The following TTC17 variants were observed in gnomAD, a reference collection of about 807,000 sequenced individuals.
TTC17 encodes tetratricopeptide repeat domain 17.
In TTC17, 58 loss-of-function variants were observed where a neutral mutation model predicts 143.8. The ratio of observed to expected loss-of-function variants is 0.40; its 90% CI spans 0.33 to 0.50. TTC17 has a LOEUF of 0.50. Ranked by LOEUF, TTC17 falls within the 20% of genes least tolerant of loss-of-function variation. TTC17 has a pLI of 0.49. For synonymous variants in TTC17, 501 were observed against 497.8 expected (o/e 1.01, Z -0.09); for missense variants, 1,273 against 1,392.5 (o/e 0.91, Z 1.37).
intron 18 of TTC17, chr11:43,446,118 C>T (rs1374199460): frequency 2.8e-6 from 4 of 1,425,718 alleles, no homozygotes; most frequent in African/African-American, 2.9e-5. Flanking sequence ...CTTTACAGCC[C>T]GCCTCTGTGT....
At chr11:43,445,494 T>G (rs2134737357) in intron 18 of TTC17, among the ~76,000 whole-genome samples, 1 of 152,316 alleles carries the variant, frequency 6.6e-6, no homozygotes, top group South Asian at 2.1e-4. Context: ...CTAAATATTT[T>G]ACAATAAGCC....
intron 21 of TTC17, among the ~76,000 whole-genome samples, chr11:43,486,170 T>C (rs1420254317): frequency 6.6e-6 from 1 of 152,204 alleles, no homozygotes; most frequent in African/African-American, 2.4e-5. Context: ...CCCCCTTATT[T>C]GCAGCTTCAT....
Position 43,378,719 on chromosome 11 carries a change from G to T in TTC17, c.160-514G>T, listed in dbSNP as rs183544338. On this transcript the variant is annotated intron_variant, in intron 1 of 23. Coordinates refer to ENST00000039989, the MANE Select transcript of TTC17 (RefSeq NM_018259.6). ...TTTTTTCTACAGCTTCAACATAATT[G>T]TTTGATTTGTTGATCCAGAGAACAT... Among the ~76,000 whole-genome samples, 274 of 152,264 alleles carry T rather than the reference G, an allele frequency of 1.8e-3. 2 individuals are homozygous for T. The highest frequency in any genetic ancestry group is 0.014 in the Middle Eastern group (4 of 294).
intron 21 of TTC17, among the ~76,000 whole-genome samples, chr11:43,451,936 C>T (rs1452977265): frequency 3.9e-5 from 6 of 152,120 alleles, no homozygotes; most frequent in Non-Finnish European, 8.8e-5. Flanking sequence ...TTCCGAGTAT[C>T]GCACATGGAA....
At chr11:43,374,550 G>C (rs1233747982) in intron 1 of TTC17, among the ~76,000 whole-genome samples, 3 of 151,232 alleles carry the variant, frequency 2.0e-5, no homozygotes, top group Admixed American at 2.0e-4. Context: ...AATCTATAAG[G>C]AACTTAATTC....
intron 5 of TTC17, among the ~76,000 whole-genome samples, chr11:43,393,516 T>C (rs1336614026): frequency 6.6e-6 from 1 of 152,170 alleles, no homozygotes; most frequent in Admixed American, 6.5e-5. Context: ...CTCTGTTGTT[T>C]AAGGGTTTCT....
chr11:43,369,766 G>A (rs1276333907), intron 1 of TTC17, among the ~76,000 whole-genome samples: 3 of 151,862 alleles, frequency 2.0e-5, no homozygotes, highest in Admixed American at 6.6e-5. Context: ...ACAGGCACAC[G>A]CCACCACACC....
chr11:43,394,176 C>G (rs1409643794), intron 5 of TTC17, among the ~76,000 whole-genome samples: 1 of 152,142 alleles, frequency 6.6e-6, no homozygotes, highest in East Asian at 1.9e-4. Context: ...CAGCCAAATT[C>G]AGGCCAATAT....
At chr11:43,420,071 T>A (rs1302125139) in intron 16 of TTC17, among the ~76,000 whole-genome samples, 1 of 152,230 alleles carries the variant, frequency 6.6e-6, no homozygotes, top group Non-Finnish European at 1.5e-5. Flanking sequence ...AAACAGTTTT[T>A]TAACATGTAT....
intron 16 of TTC17, among the ~76,000 whole-genome samples, chr11:43,425,261 GT>G (rs1268467320): frequency 6.6e-6 from 1 of 152,044 alleles, no homozygotes; most frequent in African/African-American, 2.4e-5. Flanking sequence ...CGAAGCTAGG[GT>G]GCACCCTGAT....
chr11:43,360,837 C>A (rs1424366491), intron 1 of TTC17, among the ~76,000 whole-genome samples: 1 of 151,894 alleles, frequency 6.6e-6, no homozygotes, highest in Non-Finnish European at 1.5e-5. Context: ...TCTTTTGGAT[C>A]TCTGCCAAGT....
chr11:43,385,027 C>T (rs1490484349), intron 2 of TTC17, among the ~76,000 whole-genome samples: 1 of 152,144 alleles, frequency 6.6e-6, no homozygotes, highest in Non-Finnish European at 1.5e-5. Flanking sequence ...CCTAACAACT[C>T]GGCCTCATGG....
intron 16 of TTC17, among the ~76,000 whole-genome samples, chr11:43,415,870 G>A (rs1447339418): frequency 6.6e-6 from 1 of 152,156 alleles, no homozygotes; most frequent in Non-Finnish European, 1.5e-5. Flanking sequence ...CTGAATTAAA[G>A]TTCTTTTATG....
Position 43,444,167 on chromosome 11 carries a change from C to G in TTC17, c.2623C>G (p.Leu875Val). 6.2e-7 allele frequency: 1 copy of G among 1,612,728 alleles called. No individual in the cohort carries two copies. The highest frequency in any genetic ancestry group is 8.5e-7 in the Non-Finnish European group (1 of 1,179,414). ...IENGHRYQAN[L>V]EITGPKVASP... ...AAATGGACATCGTTACCAAGCAAAC[C>G]TAGAGATCACTGGCCCCAAGGTGGC... Residue 875 changes from leucine (L) to valine (V), a missense_variant, in exon 18 of 24, where the codon CTA (leucine) becomes GTA (valine). This residue lies in a region of TTC17 where 878 missense variants were observed against 899.8 expected (regional missense o/e 0.98). Coordinates refer to ENST00000039989, the MANE Select transcript of TTC17 (RefSeq NM_018259.6).
At chr11:43,437,367 C>G (rs1947315838) in intron 16 of TTC17, among the ~76,000 whole-genome samples, 1 of 152,146 alleles carries the variant, frequency 6.6e-6, no homozygotes, top group Non-Finnish European at 1.5e-5. Flanking sequence ...TCTGCCTACA[C>G]TATTGCAGTA....
At chr11:43,410,595 C>G (rs879425531) in intron 15 of TTC17, among the ~76,000 whole-genome samples, 1 of 152,162 alleles carries the variant, frequency 6.6e-6, no homozygotes, top group Admixed American at 6.5e-5. Flanking sequence ...AGCTTCATAT[C>G]TTGAGAAGAC....
chr11:43,455,412 T>G (rs2134770010), intron 21 of TTC17, among the ~76,000 whole-genome samples: 1 of 151,864 alleles, frequency 6.6e-6, no homozygotes, highest in South Asian at 2.1e-4. Context: ...AAACAATGCA[T>G]CCAAAAGTTG....
chr11:43,446,609 C>T, intron 18 of TTC17: 1 of 946,064 alleles, frequency 1.1e-6, no homozygotes, highest in South Asian at 4.9e-5. Context: ...GAAACTCTTC[C>T]AAAACTGTTC....
At chr11:43,467,225 A>T (rs1249657942) in intron 21 of TTC17, among the ~76,000 whole-genome samples, 1 of 152,204 alleles carries the variant, frequency 6.6e-6, no homozygotes, top group Admixed American at 6.5e-5. Context: ...TTGCACATCC[A>T]TGTTCATAGC....
Sources: allele counts gnomAD v4.1 joint callset (sites outside exome capture counted in the v4.1 genomes callset), GRCh38; gene constraint gnomAD v4.1.1; regional missense constraint gnomAD v4.1.1; transcripts MANE v1.5; gene names NCBI Gene and HGNC (gene_info 2026-07-23, HGNC 2026-07-21).